The following CABP7 variants were observed in gnomAD, a reference collection of about 807,000 sequenced individuals.
CABP7 encodes the protein calcium binding protein 7, also known as calcium-binding protein 7.
In CABP7, 13 loss-of-function variants were observed where a neutral mutation model predicts 23.1. That is an observed-to-expected ratio of 0.56 (90% CI 0.37 to 0.90). CABP7 has a LOEUF of 0.90. CABP7 is among the 40% of genes least tolerant of loss of function. CABP7 has a pLI of 0.01. For synonymous variants in CABP7, 123 were observed against 115.3 expected, an observed-to-expected ratio of 1.07 and a Z score of -0.43; for missense variants, 248 against 295.6, an observed-to-expected ratio of 0.84 and a Z score of 1.18.
In CABP7 at chr22:29,727,697, G is replaced by A. The variant is rs147668442; in HGVS notation, c.145G>A (p.Gly49Ser). ...GGCCTTCAAGGTGTTTGACCGTGAC[G>A]GCAATGGCTTCATCTCCAAGCAGGA... is the stretch of plus-strand genomic sequence containing the variant. Reference protein sequence around the residue: ...REAFKVFDRDGNGFISKQELG... With the variant: ...REAFKVFDRDSNGFISKQELG... The change falls in exon 2 of 5, where the codon GGC becomes AGC. Residue 49 changes from glycine to serine, a missense_variant. Physicochemically the swap from Gly to Ser is moderately conservative, Grantham distance 56. Coordinates refer to ENST00000216144, the MANE Select transcript of CABP7 (RefSeq NM_182527.3). This position sits in a 1 kb window ranked among gnomAD's most constrained non-coding sequence, Gnocchi z 4.2. The A allele has an allele frequency of 5.5e-5, 89 of 1,613,578 alleles. No homozygotes were observed. Among genetic ancestry groups the A allele is most frequent in the Non-Finnish European group, 7.2e-5 (85 of 1,179,956 alleles).
chr22:29,729,000 T>A, intron 3 of CABP7, 55 bp from the exon 4 acceptor site: 4 of 1,590,612 alleles, frequency 2.5e-6, no homozygotes, highest in Non-Finnish European at 3.4e-6. Context: ...GGCCGTGGGG[T>A]GCTGGGTGGG....
At chr22:29,726,841 A>T (rs1302697730) in intron 1 of CABP7, among the ~76,000 whole-genome samples, 1 of 152,214 alleles carries the variant, frequency 6.6e-6, no homozygotes, top group East Asian at 1.9e-4. Flanking sequence ...AAGAGACAGC[A>T]GTACAGCTAA....
At position 29,729,543 on chromosome 22, in the gene CABP7, C is replaced by G; in HGVS notation, c.622C>G (p.Gln208Glu). ...CAGTGTCATGCTCATTGCGGCCAAC[C>G]AGGTGCTGCGCAGTGGCATGAAGTA... ...IISVMLIAAN[Q>E]VLRSGMK is the part of the protein sequence containing the mutation. The change falls in exon 5 of 5, where the codon CAG (glutamine) becomes GAG (glutamate). Residue 208 changes from glutamine to glutamate, a missense_variant. Physicochemically the swap from Gln to Glu is conservative, Grantham distance 29. Transcript: ENST00000216144. 6.2e-7 allele frequency: 1 copy of G among 1,611,846 alleles called. No homozygotes were observed. Among genetic ancestry groups the G allele is most frequent in the Non-Finnish European group, 8.5e-7 (1 of 1,179,956 alleles).
At chr22:29,728,812 C>T in intron 3 of CABP7, 70 bp downstream of exon 3, 1 of 1,218,478 alleles carries the variant, frequency 8.2e-7, no homozygotes, top group Non-Finnish European at 1.2e-6. Flanking sequence ...CAGTGAATGG[C>T]TGGGCCCACA....
chr22:29,727,318 C>T lies in CABP7; in HGVS notation c.110-344C>T, dbSNP rs1017057553. On this transcript the variant is annotated intron_variant, in intron 1 of 4. Coordinates refer to ENST00000216144, the MANE Select transcript of CABP7 (RefSeq NM_182527.3). This position sits in a 1 kb window ranked among gnomAD's most constrained non-coding sequence, Gnocchi z 4.2. ...CGGGTGGGGAAGCCGTCAGCAGCCG[C>T]GGGGGCCGGGGAGATCCAGCATCCT... Among the ~76,000 whole-genome samples, 9 of 138,214 alleles carry T rather than the reference C, an allele frequency of 6.5e-5. No individual in the cohort carries two copies. Among genetic ancestry groups the T allele is most frequent in the African/African-American group, 1.1e-4 (4 of 37,790 alleles). The allele number at this position is 138,214 out of a possible 152,430, so 90.7% of individuals were successfully genotyped here. A position where few individuals can be genotyped will look rare whatever the true frequency, so the allele number is the denominator to read the frequency against.
chr22:29,731,523 C>T lies in CABP7; in HGVS notation c.*1954C>T. ...TAGGCAGACCGTTTGAGCCAGCGAC[C>T]TCACCTCTAGGAACTGAGCCCAAGG... On this transcript the variant is annotated 3_prime_UTR_variant, in exon 5 of 5. Coordinates refer to ENST00000216144, the MANE Select transcript of CABP7 (RefSeq NM_182527.3). 2.4e-6 allele frequency: 2 copies of T among 826,770 alleles called. No individual in the cohort carries two copies. Among genetic ancestry groups the T allele is most frequent in the Admixed American group, 4.1e-5 (1 of 24,224 alleles). The allele number at this position is 826,770 out of a possible 1,614,324, so 51.2% of individuals were successfully genotyped here.
At chr22:29,722,534 C>T (rs532774713) in intron 1 of CABP7, among the ~76,000 whole-genome samples, 18 of 152,388 alleles carry the variant, frequency 1.2e-4, no homozygotes, top group African/African-American at 4.3e-4. Flanking sequence ...GTGGTCCCAG[C>T]TCATCTCTGG....
rs747747030 is a variant in CABP7 at position 29,729,610 on chromosome 22, G to C, written c.*41G>C. 19 of 1,599,154 alleles carry C rather than the reference G, an allele frequency of 1.2e-5. No homozygotes were observed. In the Admixed American group the frequency reaches 2.8e-4, roughly 24 times the overall value. Reference sequence around the variant, plus strand: ...CCCATCCACCGCATGCGGTGCCCGTGGCCCGCCCCACACCACCGCCGCCTG... The same window carrying C: ...CCCATCCACCGCATGCGGTGCCCGTCGCCCGCCCCACACCACCGCCGCCTG... On this transcript the variant is annotated 3_prime_UTR_variant, in exon 5 of 5. Coordinates refer to ENST00000216144, the MANE Select transcript of CABP7 (RefSeq NM_182527.3).
chr22:29,729,432 GCGGCC>G lies in CABP7; in HGVS notation c.521-9_521-5del. On this transcript the variant is annotated splice_region_variant and splice_polypyrimidine_tract_variant and intron_variant, in intron 4 of 4. Transcript: ENST00000216144. Reference sequence around the variant, plus strand: ...TCTGTCTCCCCGGTGCTCCCGGCGGGCGGCCACAGCCTGCTCCAACCAGCAGATCC... The same window carrying G: ...TCTGTCTCCCCGGTGCTCCCGGCGGGACAGCCTGCTCCAACCAGCAGATCC... 1.2e-6 allele frequency: 2 copies of G among 1,608,478 alleles called. No homozygotes were observed. Among genetic ancestry groups the G allele is most frequent in the Middle Eastern group, 3.3e-4 (2 of 6,052 alleles).
chr22:29,729,675 C>A lies in CABP7; in HGVS notation c.*106C>A, dbSNP rs570456067. Reference sequence around the variant, plus strand: ...GGCCGGCTCCCTGGGCCGCCATCTGCGTGTACTTCAGGGCCTGGGTATCCA... The same window carrying A: ...GGCCGGCTCCCTGGGCCGCCATCTGAGTGTACTTCAGGGCCTGGGTATCCA... On this transcript the variant is annotated 3_prime_UTR_variant, in exon 5 of 5. Coordinates refer to ENST00000216144, the MANE Select transcript of CABP7 (RefSeq NM_182527.3). 3.1e-5 allele frequency: 44 copies of A among 1,441,940 alleles called. No individual in the cohort carries two copies. In the African/African-American group the frequency reaches 5.5e-4, roughly 18 times the overall value. The allele number at this position is 1,441,940 out of a possible 1,614,324, so 89.3% of individuals were successfully genotyped here. A position where few individuals can be genotyped will look rare whatever the true frequency, so the allele number is the denominator to read the frequency against.
intron 4 of CABP7, 62 bp from the exon 5 acceptor site, chr22:29,729,380 C>T (rs973377827): frequency 1.6e-5 from 26 of 1,593,862 alleles, no homozygotes; most frequent in Admixed American, 5.1e-5. Flanking sequence ...GCAGGCGGCT[C>T]CTGACTCCAT....
In CABP7 at chr22:29,730,419, C is replaced by G. The variant is rs1270547030; in HGVS notation, c.*850C>G. 1 of 152,576 alleles carries G rather than the reference C, an allele frequency of 6.6e-6. No homozygotes were observed. Among genetic ancestry groups the G allele is most frequent in the Non-Finnish European group, 1.5e-5 (1 of 68,162 alleles). The allele number at this position is 152,576 out of a possible 1,614,324, so 9.5% of individuals were successfully genotyped here. On this transcript the variant is annotated 3_prime_UTR_variant, in exon 5 of 5. Coordinates refer to ENST00000216144, the MANE Select transcript of CABP7 (RefSeq NM_182527.3). ...AGTCCAGCTGAGGAAGGAGGCAGAG[C>G]TGGGGCCTGAAGGCTCTGAGCAGCC...
Position 29,729,427 on chromosome 22 carries a change from G to C in CABP7, c.521-15G>C, listed in dbSNP as rs1443204299. On this transcript the variant is annotated splice_polypyrimidine_tract_variant and intron_variant, in intron 4 of 4. Transcript: ENST00000216144. ...CCCCTTCTGTCTCCCCGGTGCTCCCGGCGGGCGGCCACAGCCTGCTCCAAC... is the reference window on the plus strand; with the variant it reads ...CCCCTTCTGTCTCCCCGGTGCTCCCCGCGGGCGGCCACAGCCTGCTCCAAC... 1.2e-6 allele frequency: 2 copies of C among 1,607,642 alleles called. No individual in the cohort carries two copies. Among genetic ancestry groups the C allele is most frequent in the Non-Finnish European group, 1.7e-6 (2 of 1,179,406 alleles).
In CABP7 at chr22:29,727,743, C is replaced by T; in HGVS notation, c.191C>T (p.Ser64Leu). The T allele has an allele frequency of 6.2e-7, 1 of 1,613,496 alleles. No individual in the cohort carries two copies. Among genetic ancestry groups the T allele is most frequent in the Non-Finnish European group, 8.5e-7 (1 of 1,179,810 alleles). ...CAGGAGCTGGGCACAGCCATGCGCT[C>T]ACTGGGTTACATGCCCAACGAGGTG... ...SKQELGTAMR[S>L]LGYMPNEVEL... The change falls in exon 2 of 5, where the codon TCA (serine) becomes TTA (leucine). Residue 64 changes from serine to leucine, a missense_variant. Ser to Leu is a moderately radical substitution (Grantham distance 145, BLOSUM62 -2). Coordinates refer to ENST00000216144, the MANE Select transcript of CABP7 (RefSeq NM_182527.3). This position sits in a 1 kb window ranked among gnomAD's most constrained non-coding sequence, Gnocchi z 4.2.
rs373895667 is a variant in CABP7 at position 29,729,536 on chromosome 22, G to A, written c.615G>A (p.Ala205=). 13 of 1,612,046 alleles carry A rather than the reference G, an allele frequency of 8.1e-6. No homozygotes were observed. The highest frequency in any genetic ancestry group is 1.7e-4 in the Middle Eastern group (1 of 6,058). The change falls in exon 5 of 5, where the codon GCG becomes GCA. Residue 205 remains alanine (A), a synonymous_variant. Transcript: ENST00000216144. ...TCATCATCAGTGTCATGCTCATTGC[G>A]GCCAACCAGGTGCTGCGCAGTGGCA... ...IAFIISVMLI[A]ANQVLRSGMK is the part of the protein sequence containing the mutation.
At chr22:29,721,303 G>T (rs907357475) in intron 1 of CABP7, among the ~76,000 whole-genome samples, 1 of 152,178 alleles carries the variant, frequency 6.6e-6, no homozygotes, top group Admixed American at 6.5e-5. Flanking sequence ...GAGGGCAGGG[G>T]CAGGGGTCCG....
rs748981553 is a variant in CABP7, at chr22:29,729,523, T to A, written c.602T>A (p.Val201Asp). 1 of 1,612,592 alleles carries A rather than the reference T, an allele frequency of 6.2e-7. No individual in the cohort carries two copies. Among genetic ancestry groups the A allele is most frequent in the East Asian group, 2.2e-5 (1 of 44,868 alleles). Residue 201 changes from valine to aspartate, a missense_variant, in exon 5 of 5, where the codon GTC becomes GAC. Val to Asp is a radical substitution (Grantham distance 152). Transcript: ENST00000216144. ...TTCGCCATCGCCTTCATCATCAGTGTCATGCTCATTGCGGCCAACCAGGTG... is the reference window on the plus strand; with the variant it reads ...TTCGCCATCGCCTTCATCATCAGTGACATGCTCATTGCGGCCAACCAGGTG... The part of the protein sequence containing the change: ...CAFAIAFIIS[V>D]MLIAANQVLR...
At position 29,720,748 on chromosome 22, in the gene CABP7, C is replaced by A. The variant is rs2067755286; in HGVS notation, c.109+215C>A. On this transcript the variant is annotated intron_variant, in intron 1 of 4. Transcript: ENST00000216144. The surrounding 1 kb of genome is among the most constrained non-coding windows in gnomAD (Gnocchi z 5.2). ...CGCTCAGGCGGAGAGCGGCCCAGCC[C>A]CTGCCCGCGTGGTCCCCAGCGCTGC... Among the ~76,000 whole-genome samples, 1 of 151,496 alleles carries A rather than the reference C, an allele frequency of 6.6e-6. No homozygotes were observed. The highest frequency in any genetic ancestry group is 6.6e-5 in the Admixed American group (1 of 15,216).
intron 1 of CABP7, among the ~76,000 whole-genome samples, chr22:29,723,018 T>A (rs2067772154): frequency 6.6e-6 from 1 of 152,160 alleles, no homozygotes; most frequent in South Asian, 2.1e-4. Context: ...ATCGCTCACC[T>A]CTCTGAGCCT....
Sources: gnomAD v4.1 joint callset for allele counts (sites outside exome capture counted in the v4.1 genomes callset) on GRCh38, gnomAD v4.1.1 for gene constraint, Gnocchi (gnomAD v3.1) non-coding constraint, MANE v1.5 for transcripts, NCBI Gene and HGNC (gene_info 2026-07-23, HGNC 2026-07-21) for gene names.